The following ZDHHC14 variants were observed in gnomAD, a reference collection of about 807,000 sequenced individuals.
ZDHHC14 encodes palmitoyltransferase ZDHHC14.
In ZDHHC14, 16 loss-of-function variants were observed where a neutral mutation model predicts 47.7. That is an observed-to-expected ratio of 0.34 (90% CI 0.23 to 0.51). The LOEUF (loss-of-function observed/expected upper bound fraction) is 0.51, where lower values mean the gene tolerates loss of function less well. ZDHHC14 is among the 20% of genes least tolerant of loss of function. ZDHHC14 has a pLI of 0.97. For synonymous variants in ZDHHC14, 293 were observed against 278.9 expected, an observed-to-expected ratio of 1.05 and a Z score of -0.50; for missense variants, 515 against 662.5, an observed-to-expected ratio of 0.78 and a Z score of 2.44.
chr6:157,521,605 G>A (rs1297076768), intron 1 of ZDHHC14, among the ~76,000 whole-genome samples: 1 of 152,168 alleles, frequency 6.6e-6, no homozygotes, highest in Non-Finnish European at 1.5e-5. Flanking sequence ...TCTTTTACAA[G>A]GGCCTGAACC....
intron 1 of ZDHHC14, among the ~76,000 whole-genome samples, chr6:157,446,014 G>T (rs1379363017): frequency 6.6e-6 from 1 of 152,120 alleles, no homozygotes; most frequent in Non-Finnish European, 1.5e-5. Context: ...GGCCATTGCA[G>T]GTTTTGATAA....
At chr6:157,623,867 A>G (rs1381470708) in intron 3 of ZDHHC14, among the ~76,000 whole-genome samples, 2 of 152,152 alleles carry the variant, frequency 1.3e-5, no homozygotes, top group Non-Finnish European at 2.9e-5. Context: ...CTTTTAAATA[A>G]AGGAATCCTC....
At chr6:157,428,517 A>G (rs995666585) in intron 1 of ZDHHC14, among the ~76,000 whole-genome samples, 2 of 152,126 alleles carry the variant, frequency 1.3e-5, no homozygotes, top group African/African-American at 4.8e-5. Context: ...GGGTACTGTG[A>G]CTTTTTCAGC....
intron 2 of ZDHHC14, among the ~76,000 whole-genome samples, chr6:157,559,322 T>C (rs1164891420): frequency 1.3e-5 from 2 of 152,238 alleles, no homozygotes. Context: ...GCAGCTGATG[T>C]GGCAACAGTC....
intron 2 of ZDHHC14, among the ~76,000 whole-genome samples, chr6:157,574,365 GT>G (rs1277151256): frequency 6.6e-6 from 1 of 152,182 alleles, no homozygotes; most frequent in African/African-American, 2.4e-5. Flanking sequence ...GGAGGTTTCA[GT>G]CAGCCGAGAT....
chr6:157,433,661 A>C (rs2114783584), intron 1 of ZDHHC14, among the ~76,000 whole-genome samples: 1 of 142,422 alleles, frequency 7.0e-6, no homozygotes. Context: ...TGGTACTCTG[A>C]AGGGCAGGTT....
intron 2 of ZDHHC14, among the ~76,000 whole-genome samples, chr6:157,575,531 TC>T (rs1783272481): frequency 6.6e-6 from 1 of 151,938 alleles, no homozygotes; most frequent in South Asian, 2.1e-4. Flanking sequence ...ATATAACATC[TC>T]CCTCCTGTCC....
At chr6:157,647,712 A>C (rs1001432578) in intron 7 of ZDHHC14, among the ~76,000 whole-genome samples, 1 of 152,232 alleles carries the variant, frequency 6.6e-6, no homozygotes, top group African/African-American at 2.4e-5. Flanking sequence ...GACAGGACAC[A>C]TGTGCAGGAA....
At chr6:157,667,812 G>A (rs751629684) in intron 8 of ZDHHC14, among the ~76,000 whole-genome samples, 4 of 152,208 alleles carry the variant, frequency 2.6e-5, no homozygotes, top group Non-Finnish European at 1.5e-5. Flanking sequence ...AGGTATCCCT[G>A]AGTCATTTGA....
intron 1 of ZDHHC14, among the ~76,000 whole-genome samples, chr6:157,519,839 A>G (rs1197014226): frequency 1.3e-5 from 2 of 152,230 alleles, no homozygotes; most frequent in African/African-American, 4.8e-5. Context: ...TAAAATGCTA[A>G]CAGACCCGTC....
chr6:157,413,639 GACTT>G (rs1184548090), intron 1 of ZDHHC14, among the ~76,000 whole-genome samples: 4 of 149,032 alleles, frequency 2.7e-5, no homozygotes, highest in Non-Finnish European at 5.9e-5. Flanking sequence ...CACATTCAGA[GACTT>G]AGTGGGCTGG....
chr6:157,672,940 C>T lies in ZDHHC14; in HGVS notation c.1285C>T (p.Arg429Trp), dbSNP rs144638511. 7.7e-5 allele frequency: 123 copies of T among 1,601,740 alleles called. No individual in the cohort carries two copies. Among genetic ancestry groups the T allele is most frequent in the Non-Finnish European group, 1.0e-4 (118 of 1,176,562 alleles). The change falls in exon 9 of 9, where the codon CGG (arginine) becomes TGG (tryptophan). Residue 429 changes from arginine to tryptophan, a missense_variant. By Grantham distance (101) the Arg-to-Trp change is moderately radical (BLOSUM62 -3). Around this residue, in one of 4 missense-constraint regions of ZDHHC14, gnomAD observed 221 missense variants for 233.6 expected, o/e 0.95. Transcript: ENST00000359775. Reference protein sequence around the residue: ...AEATLADVMPRKDEHMGHQFL... With the variant: ...AEATLADVMPWKDEHMGHQFL... ...GGCCACGCTCGCGGACGTGATGCCC[C>T]GGAAAGATGAGCACATGGGCCACCA...
chr6:157,446,398 G>GT (rs759796619), intron 1 of ZDHHC14, among the ~76,000 whole-genome samples: 10 of 150,256 alleles, frequency 6.7e-5, no homozygotes, highest in Admixed American at 2.0e-4. Context: ...CTTTTTTTTT[G>GT]GTTTTTTTGT....
rs879279198 is a variant in ZDHHC14 at position 157,463,278 on chromosome 6, GTTTTTC to G, written c.246-79306_246-79301del. On this transcript the variant is annotated intron_variant, in intron 1 of 8. Coordinates refer to ENST00000359775, the MANE Select transcript of ZDHHC14 (RefSeq NM_024630.3). The surrounding 1 kb of genome is among the most constrained non-coding windows in gnomAD (Gnocchi z 4.4). ...ACATGGCATAGAACAATTGAAATTGGTTTTTCAATAGAAACAATTGAATAGTCCAGA... is the reference window on the plus strand; with the variant it reads ...ACATGGCATAGAACAATTGAAATTGGAATAGAAACAATTGAATAGTCCAGA... Among the ~76,000 whole-genome samples, 283 of 152,204 alleles carry G rather than the reference GTTTTTC, an allele frequency of 1.9e-3. 4 individuals are homozygous for G. The East Asian group carries it at 0.036, about 20-fold the overall frequency.
intron 1 of ZDHHC14, among the ~76,000 whole-genome samples, chr6:157,469,983 G>A (rs1779316205): frequency 6.6e-6 from 1 of 152,246 alleles, no homozygotes; most frequent in African/African-American, 2.4e-5. Flanking sequence ...CTGCGGATGT[G>A]TGGGTACGTT....
At chr6:157,390,870 G>T (rs186481578) in intron 1 of ZDHHC14, among the ~76,000 whole-genome samples, 1 of 152,024 alleles carries the variant, frequency 6.6e-6, no homozygotes, top group African/African-American at 2.4e-5. Flanking sequence ...TGTTTCTTTG[G>T]ACTGTTTCTT....
At chr6:157,466,376 C>T (rs1454294713) in intron 1 of ZDHHC14, among the ~76,000 whole-genome samples, 2 of 152,210 alleles carry the variant, frequency 1.3e-5, no homozygotes, top group Non-Finnish European at 2.9e-5. Context: ...ATACCTGCGT[C>T]CCTGGCCATT....
chr6:157,451,804 C>T (rs1196764043), intron 1 of ZDHHC14, among the ~76,000 whole-genome samples: 6 of 152,186 alleles, frequency 3.9e-5, no homozygotes, highest in Admixed American at 1.3e-4. Flanking sequence ...AAGTGATCCA[C>T]CCACCTCAGC....
intron 1 of ZDHHC14, among the ~76,000 whole-genome samples, chr6:157,423,364 T>C (rs1778147786): frequency 1.3e-5 from 2 of 152,206 alleles, no homozygotes; most frequent in Admixed American, 1.3e-4. Context: ...GAATTTGTGA[T>C]TATTCATATG....
Sources: gnomAD v4.1 joint callset for allele counts (sites outside exome capture counted in the v4.1 genomes callset) on GRCh38, gnomAD v4.1.1 for gene constraint, gnomAD v4.1.1 regional missense constraint, Gnocchi (gnomAD v3.1) non-coding constraint, MANE v1.5 for transcripts, NCBI Gene and HGNC (gene_info 2026-07-23, HGNC 2026-07-21) for gene names.